Variants in ADGRL3 observed in about 807,000 individuals in gnomAD.
The protein encoded by ADGRL3 is adhesion G protein-coupled receptor L3.
ADGRL3 carries 62 observed loss-of-function variants against 153.5 expected under a neutral mutation model. The observed-to-expected ratio is 0.40, with a 90% CI of 0.33 to 0.50. ADGRL3 has a LOEUF of 0.50. ADGRL3 is among the 20% of genes least tolerant of loss of function. The probability of loss-of-function intolerance (pLI) is 0.47; values close to 1 mark genes in which losing one functional copy is unlikely to be tolerated. For synonymous variants in ADGRL3, 710 were observed against 672.5 expected (o/e 1.06, Z -0.86); for missense variants, 1,641 against 1,859.4 (o/e 0.88, Z 2.16).
chr4:61,947,793 A>G (rs1045535308), intron 16 of ADGRL3, among the ~76,000 whole-genome samples: 4 of 152,230 alleles, frequency 2.6e-5, no homozygotes, highest in Admixed American at 1.3e-4. Context: ...TTGGTTGTTA[A>G]GAGCAATTAA....
chr4:61,443,471 T>G (rs961834349), intron 2 of ADGRL3, among the ~76,000 whole-genome samples: 15 of 152,164 alleles, frequency 9.9e-5, no homozygotes, highest in Non-Finnish European at 1.8e-4. Context: ...TGCTAAGTTA[T>G]TTATGGTTTT....
chr4:61,314,003 A>G (rs1463300482), intron 1 of ADGRL3, among the ~76,000 whole-genome samples: 1 of 152,134 alleles, frequency 6.6e-6, no homozygotes, highest in Non-Finnish European at 1.5e-5. Flanking sequence ...GAGAAAATCC[A>G]GAAACACAGG....
intron 8 of ADGRL3, among the ~76,000 whole-genome samples, chr4:61,807,062 G>T (rs1334681356): frequency 2.6e-5 from 4 of 152,026 alleles, no homozygotes; most frequent in South Asian, 4.2e-4. Context: ...TACTGATTGG[G>T]CTTCCTTTCC....
At chr4:61,447,085 T>G (rs923338071) in intron 2 of ADGRL3, among the ~76,000 whole-genome samples, 3 of 152,202 alleles carry the variant, frequency 2.0e-5, no homozygotes, top group African/African-American at 7.2e-5. Flanking sequence ...GATGACTGGA[T>G]GCTGGATGCC....
chr4:61,441,935 A>G (rs1182391711), intron 2 of ADGRL3, among the ~76,000 whole-genome samples: 2 of 152,190 alleles, frequency 1.3e-5, no homozygotes, highest in Non-Finnish European at 2.9e-5. Flanking sequence ...AATAATTTGA[A>G]TGGTTTCCTT....
chr4:61,419,476 C>T (rs545535474), intron 2 of ADGRL3, among the ~76,000 whole-genome samples: 1 of 143,902 alleles, frequency 6.9e-6, no homozygotes, highest in African/African-American at 2.8e-5. Context: ...GCAAGGCACA[C>T]TCACACAGCC....
Position 62,070,520 on chromosome 4 carries a change from A to T in ADGRL3, c.4244A>T (p.Gln1415Leu). The T allele has an allele frequency of 1.3e-6, 2 of 1,550,990 alleles. No homozygotes were observed. Among genetic ancestry groups the T allele is most frequent in the Non-Finnish European group, 1.7e-6 (2 of 1,146,828 alleles). ...AGAGTATACTCCACCGAGAACCACC[A>T]GCCACACCATTATACCAGAAGGCGG... ...PPRVYSTENHQPHHYTRRRIP... is the reference protein window; with the variant it reads ...PPRVYSTENHLPHHYTRRRIP... Residue 1415 changes from glutamine (Q) to leucine (L), a missense_variant, in exon 27 of 27, where the codon CAG becomes CTG. Gln to Leu is a moderately radical substitution (Grantham distance 113). This residue lies in a region of ADGRL3 where 517 missense variants were observed against 555.0 expected (regional missense o/e 0.93). Transcript: ENST00000683033.
intron 5 of ADGRL3, among the ~76,000 whole-genome samples, chr4:61,638,878 CAATTATATGTA>C (rs1359925751): frequency 6.6e-6 from 1 of 152,144 alleles, no homozygotes; most frequent in African/African-American, 2.4e-5. Context: ...ATTAAAAACT[CAATTATATGTA>C]AATTTAGTTC....
At chr4:61,227,144 T>A (rs1748351003) in intron 1 of ADGRL3, among the ~76,000 whole-genome samples, 1 of 152,194 alleles carries the variant, frequency 6.6e-6, no homozygotes, top group Non-Finnish European at 1.5e-5. Flanking sequence ...CACTTTGTTT[T>A]GTCTTCATAA....
At chr4:61,830,048 C>A (rs1300999545) in intron 9 of ADGRL3, among the ~76,000 whole-genome samples, 1 of 151,636 alleles carries the variant, frequency 6.6e-6, no homozygotes, top group African/African-American at 2.4e-5. Context: ...TCTACTCTGG[C>A]ACCCAGGCTT....
intron 21 of ADGRL3, among the ~76,000 whole-genome samples, chr4:62,012,411 T>C (rs2099190948): frequency 6.6e-6 from 1 of 152,208 alleles, no homozygotes; most frequent in Non-Finnish European, 1.5e-5. Context: ...CTAGGCACTG[T>C]TCTAAGTTCT....
intron 8 of ADGRL3, among the ~76,000 whole-genome samples, chr4:61,754,710 C>A (rs1236960938): frequency 6.6e-6 from 1 of 152,084 alleles, no homozygotes; most frequent in African/African-American, 2.4e-5. Context: ...TGTTGGTGCG[C>A]TGCACCCATT....
chr4:61,777,412 G>A (rs1197125097), intron 8 of ADGRL3, among the ~76,000 whole-genome samples: 1 of 151,986 alleles, frequency 6.6e-6, no homozygotes, highest in Admixed American at 6.6e-5. Context: ...TGTAGTACAT[G>A]CTTTTACTAC....
intron 4 of ADGRL3, among the ~76,000 whole-genome samples, chr4:61,551,138 C>A (rs1560825882): frequency 1.3e-5 from 2 of 152,042 alleles, no homozygotes; most frequent in South Asian, 4.1e-4. Flanking sequence ...GTGAATATTC[C>A]TTTTAGATTA....
At chr4:61,333,521 T>C (rs780869131) in intron 1 of ADGRL3, among the ~76,000 whole-genome samples, 1 of 152,202 alleles carries the variant, frequency 6.6e-6, no homozygotes, top group Non-Finnish European at 1.5e-5. Context: ...TTTAAATTTT[T>C]AGTTTTATGG....
At chr4:61,683,299 A>T (rs1273979623) in intron 6 of ADGRL3, among the ~76,000 whole-genome samples, 1 of 151,936 alleles carries the variant, frequency 6.6e-6, no homozygotes, top group Admixed American at 6.6e-5. Context: ...TTTTTGTAGA[A>T]ATGGCATTTT....
intron 17 of ADGRL3, among the ~76,000 whole-genome samples, chr4:61,977,831 C>T (rs1052093164): frequency 1.3e-5 from 2 of 151,732 alleles, no homozygotes; most frequent in African/African-American, 4.8e-5. Context: ...GGTACATGGG[C>T]AGGTTTGTTA....
rs549318475 is a variant in ADGRL3 at position 61,375,458 on chromosome 4, C to A, written c.-239-7666C>A. On this transcript the variant is annotated intron_variant, in intron 1 of 26. Coordinates refer to ENST00000683033, the MANE Select transcript of ADGRL3 (RefSeq NM_001387552.1). ...GACAAGATTTCCTACATCCATAACC[C>A]TGAGATAAGTATCATATGAATCATC... is the stretch of plus-strand genomic sequence containing the variant. Among the ~76,000 whole-genome samples, 4 of 152,116 alleles carry A rather than the reference C, an allele frequency of 2.6e-5. No individual in the cohort carries two copies. The East Asian group carries it at 7.8e-4, about 30-fold the overall frequency.
chr4:61,345,914 T>C (rs895588419), intron 1 of ADGRL3, among the ~76,000 whole-genome samples: 2 of 152,130 alleles, frequency 1.3e-5, no homozygotes, highest in African/African-American at 4.8e-5. Flanking sequence ...AAGAATTTAT[T>C]AGAAAAAATA....
Sources: gnomAD v4.1 joint callset for allele counts (sites outside exome capture counted in the v4.1 genomes callset) on GRCh38, gnomAD v4.1.1 for gene constraint, gnomAD v4.1.1 regional missense constraint, MANE v1.5 for transcripts, NCBI Gene and HGNC (gene_info 2026-07-23, HGNC 2026-07-21) for gene names.